CLYBL: variants seen among roughly 807,000 people sequenced by gnomAD.
CLYBL encodes the protein citramalyl-CoA lyase.
CLYBL carries 31 observed loss-of-function variants against 38.9 expected under a neutral mutation model. The observed-to-expected ratio is 0.80, with a 90% CI of 0.60 to 1.08. CLYBL has a LOEUF of 1.08. CLYBL is among the 50% of genes least tolerant of loss of function. The pLI, the probability that CLYBL is intolerant of heterozygous loss-of-function variation, is 0.00. For missense variants in CLYBL, 434 were observed against 411.6 expected (o/e 1.05, Z -0.47); for synonymous variants, 171 against 158.6 (o/e 1.08, Z -0.59).
intron 2 of CLYBL, among the ~76,000 whole-genome samples, chr13:99,823,955 T>C (rs997340850): frequency 1.3e-5 from 2 of 152,246 alleles, no homozygotes; most frequent in African/African-American, 2.4e-5. Flanking sequence ...TTGGATCTCA[T>C]GTCTTTTTCT....
intron 2 of CLYBL, among the ~76,000 whole-genome samples, chr13:99,832,829 T>G (rs1449404787): frequency 6.9e-6 from 1 of 144,204 alleles, no homozygotes; most frequent in Non-Finnish European, 1.5e-5. Context: ...TTATATCAAA[T>G]CTGTTAAAGG....
intron 1 of CLYBL, among the ~76,000 whole-genome samples, chr13:99,770,759 A>G (rs4772244): frequency 0.78 from 118,656 of 151,760 alleles, 46,569 homozygotes; most frequent in Middle Eastern, 0.84. Flanking sequence ...GTCTTGCTCT[A>G]TTGCCAGGCT....
At position 99,864,916 on chromosome 13, in the gene CLYBL, C is replaced by A; in HGVS notation, c.634+5C>A. The A allele has an allele frequency of 1.3e-6, 2 of 1,582,818 alleles. No homozygotes were observed. Among genetic ancestry groups the A allele is most frequent in the South Asian group, 2.2e-5 (2 of 90,444 alleles). On this transcript the variant is annotated splice_donor_5th_base_variant and intron_variant, in intron 5 of 8. Transcript: ENST00000339105. Reference sequence around the variant, plus strand: ...AAGACTTTCGAGCCAGCATAGGTGTCAAAGACATCTCTCTCTCTCTTTTTC... The same window carrying A: ...AAGACTTTCGAGCCAGCATAGGTGTAAAAGACATCTCTCTCTCTCTTTTTC...
chr13:99,627,628 C>T (rs2046888707), intron 1 of CLYBL, among the ~76,000 whole-genome samples: 1 of 152,018 alleles, frequency 6.6e-6, no homozygotes, highest in African/African-American at 2.4e-5. Flanking sequence ...TAGAGTCTGC[C>T]ACATTGAACT....
At chr13:99,672,112 T>C (rs1299877868) in intron 1 of CLYBL, among the ~76,000 whole-genome samples, 3 of 152,196 alleles carry the variant, frequency 2.0e-5, no homozygotes. Context: ...TCGTCCCTCT[T>C]GTTAGAGCCC....
intron 6 of CLYBL, 61 bp from the exon 7 acceptor site, chr13:99,870,877 A>G (rs1375292945): frequency 1.6e-5 from 24 of 1,536,268 alleles, no homozygotes; most frequent in Non-Finnish European, 2.1e-5. Context: ...CGCGATAGAA[A>G]CATTTTGTTT....
chr13:99,641,698 G>C (rs1467936694), intron 1 of CLYBL, among the ~76,000 whole-genome samples: 1 of 151,976 alleles, frequency 6.6e-6, no homozygotes, highest in African/African-American at 2.4e-5. Flanking sequence ...TGTAGTCCCA[G>C]CTACTTGGGA....
At chr13:99,813,252 G>A (rs2050377561) in intron 2 of CLYBL, among the ~76,000 whole-genome samples, 2 of 152,176 alleles carry the variant, frequency 1.3e-5, no homozygotes, top group African/African-American at 4.8e-5. Context: ...GAAATATCCA[G>A]TGGAATGCAA....
intron 1 of CLYBL, among the ~76,000 whole-genome samples, chr13:99,682,706 T>G (rs966054434): frequency 6.6e-6 from 1 of 152,170 alleles, no homozygotes; most frequent in Non-Finnish European, 1.5e-5. Context: ...AAAACTTTTC[T>G]TCAGTAGTAA....
At chr13:99,688,210 ATTCC>A (rs1447475860) in intron 1 of CLYBL, among the ~76,000 whole-genome samples, 1 of 150,756 alleles carries the variant, frequency 6.6e-6, no homozygotes, top group Non-Finnish European at 1.5e-5. Context: ...ATTATTGAAA[ATTCC>A]TTCCTTCATA....
At chr13:99,754,668 T>A (rs2049024295) in intron 1 of CLYBL, among the ~76,000 whole-genome samples, 2 of 148,234 alleles carry the variant, frequency 1.3e-5, no homozygotes, top group South Asian at 4.7e-4. Context: ...CACTGCAACC[T>A]CCACCTCCTG....
chr13:99,880,779 C>T (rs917371498), intron 7 of CLYBL, among the ~76,000 whole-genome samples: 1 of 152,254 alleles, frequency 6.6e-6, no homozygotes, highest in African/African-American at 2.4e-5. Flanking sequence ...GCCTCCCTTC[C>T]GTGCCCCTCA....
At chr13:99,647,150 T>G (rs189616466) in intron 1 of CLYBL, among the ~76,000 whole-genome samples, 33 of 152,222 alleles carry the variant, frequency 2.2e-4, no homozygotes, top group African/African-American at 7.7e-4. Context: ...TTGAAAGGCT[T>G]ATAAGAAAGA....
At chr13:99,832,254 T>C (rs758802335) in intron 2 of CLYBL, among the ~76,000 whole-genome samples, 2 of 152,256 alleles carry the variant, frequency 1.3e-5, no homozygotes, top group African/African-American at 2.4e-5. Context: ...TGTAGTGGTC[T>C]CGGTTCTTCC....
chr13:99,756,251 C>G (rs2049061062), intron 1 of CLYBL, among the ~76,000 whole-genome samples: 1 of 152,202 alleles, frequency 6.6e-6, no homozygotes, highest in Non-Finnish European at 1.5e-5. Flanking sequence ...GTAATTGATA[C>G]CTATCTCCCC....
rs2051833084 is a variant in CLYBL, at chr13:99,869,593, T to A, written c.803-1345T>A. Reference sequence around the variant, plus strand: ...AAAGAATGAAATAGCAATGTGAGGATGTTTTAATTATGCCATTGGAAAGAA... The same window carrying A: ...AAAGAATGAAATAGCAATGTGAGGAAGTTTTAATTATGCCATTGGAAAGAA... On this transcript the variant is annotated intron_variant, in intron 6 of 8. Coordinates refer to ENST00000339105, the MANE Select transcript of CLYBL (RefSeq NM_206808.5). This position sits in a 1 kb window ranked among gnomAD's most constrained non-coding sequence, Gnocchi z 4.3. Among the ~76,000 whole-genome samples, 4 of 152,150 alleles carry A rather than the reference T, an allele frequency of 2.6e-5. No homozygotes were observed. The South Asian group carries it at 8.3e-4, about 32-fold the overall frequency.
At chr13:99,796,927 C>T (rs1008079035) in intron 2 of CLYBL, among the ~76,000 whole-genome samples, 1 of 152,112 alleles carries the variant, frequency 6.6e-6, no homozygotes, top group African/African-American at 2.4e-5. Context: ...AGGCTCTTGG[C>T]TTTGTGAAGA....
At chr13:99,675,947 G>A (rs1348924101) in intron 1 of CLYBL, among the ~76,000 whole-genome samples, 8 of 152,056 alleles carry the variant, frequency 5.3e-5, no homozygotes, top group Non-Finnish European at 1.0e-4. Flanking sequence ...TCCACCTCCC[G>A]GGTTCAAGTT....
chr13:99,731,310 A>G (rs929307164), intron 1 of CLYBL, among the ~76,000 whole-genome samples: 2 of 150,944 alleles, frequency 1.3e-5, no homozygotes, highest in South Asian at 4.2e-4. Context: ...GTTGCAGAAT[A>G]TATGTCTATC....
Sources: gnomAD v4.1 joint callset for allele counts (sites outside exome capture counted in the v4.1 genomes callset) on GRCh38, gnomAD v4.1.1 for gene constraint, Gnocchi (gnomAD v3.1) non-coding constraint, MANE v1.5 for transcripts, NCBI Gene and HGNC (gene_info 2026-07-23, HGNC 2026-07-21) for gene names.